Variants in SORCS1 observed in about 807,000 individuals in gnomAD.
SORCS1 encodes sortilin related VPS10 domain containing receptor 1, also known as VPS10 domain-containing receptor SorCS1.
In SORCS1, 60 loss-of-function variants were observed where a neutral mutation model predicts 146.1. That is an observed-to-expected ratio of 0.41 (90% CI 0.33 to 0.51). The LOEUF (loss-of-function observed/expected upper bound fraction) is 0.51. SORCS1 is among the 20% of genes least tolerant of loss of function. The pLI is 0.21. For missense variants in SORCS1, 1,352 were observed against 1,487.6 expected (o/e 0.91, Z 1.50); for synonymous variants, 637 against 584.0 (o/e 1.09, Z -1.31).
intron 19 of SORCS1, among the ~76,000 whole-genome samples, chr10:106,627,903 T>C (rs1003747684): frequency 5.9e-5 from 9 of 152,204 alleles, no homozygotes; most frequent in Non-Finnish European, 1.0e-4. Flanking sequence ...TGCTAGGTAG[T>C]AGGTGGGCCA....
At chr10:106,905,771 C>A (rs1437943934) in intron 2 of SORCS1, among the ~76,000 whole-genome samples, 2 of 152,170 alleles carry the variant, frequency 1.3e-5, no homozygotes. Flanking sequence ...CACAAGTGTG[C>A]CTGTATGCAT....
intron 2 of SORCS1, among the ~76,000 whole-genome samples, chr10:106,937,999 G>GAAA: frequency 6.7e-6 from 1 of 150,264 alleles, no homozygotes; most frequent in African/African-American, 2.4e-5. Context: ...AAGAAAGAAA[G>GAAA]GAAGTGGTCT....
At chr10:106,882,589 T>C (rs1950847114) in intron 2 of SORCS1, among the ~76,000 whole-genome samples, 1 of 152,160 alleles carries the variant, frequency 6.6e-6, no homozygotes, top group Non-Finnish European at 1.5e-5. Flanking sequence ...TTGACCCTAG[T>C]CTAGATACTT....
intron 3 of SORCS1, among the ~76,000 whole-genome samples, chr10:106,802,204 A>T (rs1454718268): frequency 6.6e-6 from 1 of 152,340 alleles, no homozygotes; most frequent in East Asian, 1.9e-4. Flanking sequence ...ATCAGAAGAA[A>T]TGTTTAAGGA....
chr10:106,689,897 G>T (rs1297117199), intron 9 of SORCS1, among the ~76,000 whole-genome samples: 1 of 152,170 alleles, frequency 6.6e-6, no homozygotes, highest in Non-Finnish European at 1.5e-5. Context: ...TCTGGCATCT[G>T]GGATAATTTA....
At chr10:106,858,771 A>G (rs1949890553) in intron 2 of SORCS1, among the ~76,000 whole-genome samples, 1 of 152,136 alleles carries the variant, frequency 6.6e-6, no homozygotes. Flanking sequence ...CTGGATCTCT[A>G]TTTTGCATAA....
At chr10:106,898,222 T>C (rs943215193) in intron 2 of SORCS1, among the ~76,000 whole-genome samples, 2 of 152,214 alleles carry the variant, frequency 1.3e-5, no homozygotes, top group Non-Finnish European at 2.9e-5. Flanking sequence ...AGTCTTGTCA[T>C]TTTGCTCTTC....
chr10:106,756,280 G>A (rs1858632464), intron 5 of SORCS1, among the ~76,000 whole-genome samples: 1 of 152,170 alleles, frequency 6.6e-6, no homozygotes, highest in Non-Finnish European at 1.5e-5. Context: ...AACACTGGTA[G>A]CCAGTGGGCA....
intron 1 of SORCS1, among the ~76,000 whole-genome samples, chr10:107,136,463 G>C (rs1967309636): frequency 6.6e-6 from 1 of 152,180 alleles, no homozygotes; most frequent in Non-Finnish European, 1.5e-5. Context: ...GAAAACAGTG[G>C]GTTTGCTGCA....
intron 1 of SORCS1, among the ~76,000 whole-genome samples, chr10:107,139,552 G>A (rs962699873): frequency 1.3e-5 from 2 of 152,006 alleles, no homozygotes; most frequent in Non-Finnish European, 2.9e-5. Context: ...AAGACAGAGG[G>A]GAAAAAACAG....
At chr10:106,982,928 T>G (rs1422112854) in intron 1 of SORCS1, among the ~76,000 whole-genome samples, 2 of 152,010 alleles carry the variant, frequency 1.3e-5, no homozygotes, top group African/African-American at 4.8e-5. Context: ...ATACCAGAGA[T>G]CTTACTATAT....
intron 2 of SORCS1, among the ~76,000 whole-genome samples, chr10:106,927,495 C>T (rs1213141896): frequency 2.6e-5 from 4 of 152,030 alleles, no homozygotes; most frequent in African/African-American, 4.8e-5. Context: ...TTGCAAAGAG[C>T]GAAAGAATAA....
chr10:106,665,362 T>A (rs1290007139), intron 17 of SORCS1, among the ~76,000 whole-genome samples: 1 of 151,436 alleles, frequency 6.6e-6, no homozygotes, highest in Non-Finnish European at 1.5e-5. Flanking sequence ...TTTCTCCTTC[T>A]TCCTTCCCTT....
intron 5 of SORCS1, among the ~76,000 whole-genome samples, chr10:106,751,819 A>C (rs1007926555): frequency 1.3e-4 from 20 of 152,082 alleles, no homozygotes; most frequent in Non-Finnish European, 4.4e-5. Flanking sequence ...AAATCTGATG[A>C]ATTTTAGTAC....
At chr10:106,908,653 A>C (rs1285986094) in intron 2 of SORCS1, among the ~76,000 whole-genome samples, 3 of 152,184 alleles carry the variant, frequency 2.0e-5, no homozygotes, top group Non-Finnish European at 4.4e-5. Flanking sequence ...CATTCTGTCC[A>C]TTCTTTCCCA....
chr10:107,028,260 T>C (rs1034632319), intron 1 of SORCS1, among the ~76,000 whole-genome samples: 1 of 152,178 alleles, frequency 6.6e-6, no homozygotes, highest in Admixed American at 6.5e-5. Context: ...CATTAAATAG[T>C]TTCTCACATG....
intron 2 of SORCS1, among the ~76,000 whole-genome samples, chr10:106,887,165 C>CT (rs1223212494): frequency 6.6e-6 from 1 of 152,142 alleles, no homozygotes; most frequent in Non-Finnish European, 1.5e-5. Flanking sequence ...TGTTTAACAA[C>CT]TGGCCATAAT....
chr10:107,044,988 G>A (rs1959242965), intron 1 of SORCS1, among the ~76,000 whole-genome samples: 1 of 152,128 alleles, frequency 6.6e-6, no homozygotes, highest in Non-Finnish European at 1.5e-5. Context: ...AACTGATAGT[G>A]CCCTGAAAGA....
At chr10:106,993,377 T>TCA (rs1447741000) in intron 1 of SORCS1, among the ~76,000 whole-genome samples, 1 of 152,180 alleles carries the variant, frequency 6.6e-6, no homozygotes, top group Non-Finnish European at 1.5e-5. Context: ...CACTTGAATA[T>TCA]CACTCTCAAA....
Sources: allele counts gnomAD v4.1 joint callset (sites outside exome capture counted in the v4.1 genomes callset), GRCh38; gene constraint gnomAD v4.1.1; transcripts MANE v1.5; gene names NCBI Gene and HGNC (gene_info 2026-07-23, HGNC 2026-07-21).